PET117: variants seen among roughly 807,000 people sequenced by gnomAD.
PET117 encodes PET117 cytochrome c oxidase chaperone.
A neutral mutation model predicts 9.2 loss-of-function variants in PET117; 10 were observed. The ratio of observed to expected loss-of-function variants is 1.09; its 90% confidence interval spans 0.67 to 1.85. The LOEUF (loss-of-function observed/expected upper bound fraction) is 1.85. PET117 is among the 40% of genes most tolerant of loss of function. PET117 has a pLI of 0.00. For synonymous variants in PET117, 43 were observed against 37.1 expected (o/e 1.16, Z -0.57); for missense variants, 96 against 98.2 (o/e 0.98, Z 0.09).
chr20:18,142,440 CTT>C lies in PET117; in HGVS notation c.*91_*92del, dbSNP rs78016265. 6.9e-6 allele frequency: 10 copies of C among 1,450,944 alleles called. No homozygotes were observed. Among genetic ancestry groups the C allele is most frequent in the South Asian group, 2.9e-5 (2 of 67,918 alleles). 89.9% of individuals were successfully genotyped at this position (1,450,944 alleles called of 1,614,324 possible). The stretch of plus-strand genomic sequence containing the variant: ...GAGAGTAGCTTAGTAGTATCTTCAT[CTT>C]TTTTTTTGGTCACTGTCCTTTTAAA... On this transcript the variant is annotated 3_prime_UTR_variant, in exon 2 of 2. Transcript: ENST00000432901.
chr20:18,142,952 A>C lies in PET117; in HGVS notation c.*595A>C. On this transcript the variant is annotated 3_prime_UTR_variant, in exon 2 of 2. Transcript: ENST00000432901. ...GCTTCTCAATTCCTTTGATTTGTCA[A>C]TTCCTGTGTGAAGGTTTGTTTTTCC... is the stretch of plus-strand genomic sequence containing the variant. 6.2e-7 allele frequency: 1 copy of C among 1,603,720 alleles called. No individual in the cohort carries two copies. The highest frequency in any genetic ancestry group is 8.5e-7 in the Non-Finnish European group (1 of 1,171,588).
intron 1 of PET117, among the ~76,000 whole-genome samples, chr20:18,139,989 TAGAA>T (rs765340620): frequency 7.9e-5 from 12 of 152,104 alleles, no homozygotes; most frequent in Non-Finnish European, 1.5e-4. Flanking sequence ...GGAAAGTTGT[TAGAA>T]AGGTAGTTCA....
At chr20:18,141,033 T>TTTTA (rs1568661459) in intron 1 of PET117, among the ~76,000 whole-genome samples, 4 of 18,342 alleles carry the variant, frequency 2.2e-4, no homozygotes, top group Non-Finnish European at 3.0e-4. Context: ...ATTTTTTTTT[T>TTTTA]TTTTTTTTTT....
rs550863221 is a variant in PET117, at chr20:18,138,200, C to T, written c.96+149C>T. 434 of 1,263,390 alleles carry T rather than the reference C, an allele frequency of 3.4e-4. 4 individuals carry two copies. The African/African-American group carries it at 5.8e-3, about 17-fold the overall frequency. The allele number at this position is 1,263,390 out of a possible 1,614,324, so 78.3% of individuals were successfully genotyped here. On this transcript the variant is annotated intron_variant, in intron 1 of 1. Transcript: ENST00000432901. Reference sequence around the variant, plus strand: ...CCTGCACCCCACGCGTTTGCGGCTGCGGCCGGCGGCCGCTCTGCTGGGCTC... The same window carrying T: ...CCTGCACCCCACGCGTTTGCGGCTGTGGCCGGCGGCCGCTCTGCTGGGCTC...
At chr20:18,141,051 T>TTTTTTTTTTTTTTTTTTTTTTTG (rs58888387) in intron 1 of PET117, among the ~76,000 whole-genome samples, 5 of 109,704 alleles carry the variant, frequency 4.6e-5, no homozygotes, top group Non-Finnish European at 7.0e-5. Context: ...TTTTTTATTT[T>TTTTTTTTTTTTTTTTTTTTTTTG]TATTTTTGCT....
chr20:18,141,922 GT>G (rs201293392), intron 1 of PET117, among the ~76,000 whole-genome samples: 26 of 149,882 alleles, frequency 1.7e-4, no homozygotes, highest in African/African-American at 2.5e-4. Context: ...CATAGTGCCA[GT>G]TTTTTTTTTC....
At position 18,142,812 on chromosome 20, in the gene PET117, C is replaced by T. The variant is rs760685954; in HGVS notation, c.*455C>T. ...GAGGATCAGGCATCAGTGGACTTAT[C>T]GCACGACCAGAGTGGGGATTCCCTC... On this transcript the variant is annotated 3_prime_UTR_variant, in exon 2 of 2. Transcript: ENST00000432901. The T allele has an allele frequency of 1.5e-5, 24 of 1,614,138 alleles. No individual in the cohort carries two copies. Among genetic ancestry groups the T allele is most frequent in the East Asian group, 4.5e-5 (2 of 44,880 alleles).
intron 1 of PET117, 122 bp from the exon 2 acceptor site, chr20:18,142,086 G>A: frequency 1.0e-6 from 1 of 982,802 alleles, no homozygotes; most frequent in Non-Finnish European, 1.4e-6. Context: ...AATAGTAACT[G>A]GGTATTTGGA....
chr20:18,142,354 ATGACT>A lies in PET117; in HGVS notation c.*1_*5del. The A allele has an allele frequency of 6.5e-7, 1 of 1,535,982 alleles. No individual in the cohort carries two copies. On this transcript the variant is annotated stop_retained_variant and 3_prime_UTR_variant, in exon 2 of 2. Transcript: ENST00000432901. ...TATTGGCAAAAGGATCTCAAAAATC[ATGACT>A]TGAATGTGAAATATCTGTTGGACAG...
intron 1 of PET117, among the ~76,000 whole-genome samples, chr20:18,141,581 TA>T (rs1483232405): frequency 2.6e-4 from 40 of 152,344 alleles, no homozygotes; most frequent in Admixed American, 5.9e-4. Flanking sequence ...ACATATCAAT[TA>T]AACTTTAAAA....
In PET117 at chr20:18,138,063, G is replaced by A. The variant is rs1481966638; in HGVS notation, c.96+12G>A. ...AGTGGGACCAGCAGGTCGGTGTCAC[G>A]TGACCGTCTCTTCCGGGCCCGCGCG... On this transcript the variant is annotated intron_variant, in intron 1 of 1. Transcript: ENST00000432901. The A allele has an allele frequency of 2.0e-6, 3 of 1,468,412 alleles. No homozygotes were observed. Among genetic ancestry groups the A allele is most frequent in the Non-Finnish European group, 1.8e-6 (2 of 1,115,556 alleles). The allele number at this position is 1,468,412 out of a possible 1,614,324, so 91.0% of individuals were successfully genotyped here. A position where few individuals can be genotyped will look rare whatever the true frequency, so the allele number is the denominator to read the frequency against.
chr20:18,138,708 G>A (rs1327440482), intron 1 of PET117, among the ~76,000 whole-genome samples: 2 of 151,216 alleles, frequency 1.3e-5, no homozygotes, highest in African/African-American at 4.9e-5. Context: ...TTTTTTTTTG[G>A]TACTTTTATT....
chr20:18,140,707 G>A (rs1203001529), intron 1 of PET117, among the ~76,000 whole-genome samples: 1 of 151,296 alleles, frequency 6.6e-6, no homozygotes, highest in African/African-American at 2.4e-5. Context: ...AGCTACTGGG[G>A]AGGCTGAGGC....
At position 18,142,862 on chromosome 20, in the gene PET117, TGGATGGAGGA is replaced by T; in HGVS notation, c.*507_*516del. On this transcript the variant is annotated 3_prime_UTR_variant, in exon 2 of 2. Coordinates refer to ENST00000432901, the MANE Select transcript of PET117 (RefSeq NM_001164811.2). ...CAACAGTGATGAAGGAGACGTGTCTTGGATGGAGGAGCAGCTGTCCTACTTCTGTGACAAG... is the reference window on the plus strand; with the variant it reads ...CAACAGTGATGAAGGAGACGTGTCTTGCAGCTGTCCTACTTCTGTGACAAG... The T allele has an allele frequency of 6.2e-7, 1 of 1,614,180 alleles. No individual in the cohort carries two copies. Among genetic ancestry groups the T allele is most frequent in the Non-Finnish European group, 8.5e-7 (1 of 1,180,036 alleles).
chr20:18,137,951 T>G lies in PET117; in HGVS notation c.-5T>G. On this transcript the variant is annotated 5_prime_UTR_variant, in exon 1 of 2. Transcript: ENST00000432901. ...GAGAGAGAGGCCGCGGCCGCCAGCG[T>G]GGGGATGTCTAGGAGCTCGAAGGTG... 6.7e-7 allele frequency: 1 copy of G among 1,481,690 alleles called. No homozygotes were observed. 91.8% of individuals were successfully genotyped at this position (1,481,690 alleles called of 1,614,324 possible).
At chr20:18,142,105 G>A in intron 1 of PET117, 103 bp from the exon 2 acceptor site, 1 of 1,216,746 alleles carries the variant, frequency 8.2e-7, no homozygotes, top group Non-Finnish European at 1.1e-6. Context: ...GAATCTGAAA[G>A]TTTTAAGTAT....
chr20:18,141,682 G>A (rs1465539264), intron 1 of PET117, among the ~76,000 whole-genome samples: 2 of 152,260 alleles, frequency 1.3e-5, no homozygotes, highest in African/African-American at 4.8e-5. Context: ...TCAGGAGTTC[G>A]AGACCAGCTT....
Position 18,142,847 on chromosome 20 carries a change from G to C in PET117, c.*490G>C. 1.9e-6 allele frequency: 3 copies of C among 1,614,200 alleles called. No individual in the cohort carries two copies. The highest frequency in any genetic ancestry group is 2.5e-6 in the Non-Finnish European group (3 of 1,180,030). ...GAGTGGGGATTCCCTCAACAGTGAT[G>C]AAGGAGACGTGTCTTGGATGGAGGA... On this transcript the variant is annotated 3_prime_UTR_variant, in exon 2 of 2. Coordinates refer to ENST00000432901, the MANE Select transcript of PET117 (RefSeq NM_001164811.2).
intron 1 of PET117, among the ~76,000 whole-genome samples, chr20:18,139,765 A>G (rs2037458037): frequency 6.6e-6 from 1 of 152,124 alleles, no homozygotes; most frequent in Non-Finnish European, 1.5e-5. Context: ...TGATTAGCAC[A>G]GTGGATGTGT....
Sources: allele counts gnomAD v4.1 joint callset (sites outside exome capture counted in the v4.1 genomes callset), GRCh38; gene constraint gnomAD v4.1.1; transcripts MANE v1.5; gene names NCBI Gene and HGNC (gene_info 2026-07-23, HGNC 2026-07-21).